Variants in PDXDC1 observed in about 807,000 individuals in gnomAD.
The protein encoded by PDXDC1 is pyridoxal-dependent decarboxylase domain-containing protein 1.
In PDXDC1, 42 loss-of-function variants were observed where a neutral mutation model predicts 100.1. The ratio of observed to expected loss-of-function variants is 0.42; its 90% CI spans 0.33 to 0.54. PDXDC1 has a LOEUF of 0.54. Ranked by LOEUF, PDXDC1 falls within the 20% of genes least tolerant of loss-of-function variation. The probability of loss-of-function intolerance (pLI) is 0.10; values close to 1 mark genes in which losing one functional copy is unlikely to be tolerated. For missense variants in PDXDC1, 636 were observed against 979.2 expected, an observed-to-expected ratio of 0.65 and a Z score of 4.68; for synonymous variants, 260 against 371.7, an observed-to-expected ratio of 0.70 and a Z score of 3.46.
intron 16 of PDXDC1, chr16:15,074,682 A>G (rs989700644): frequency 2.6e-6 from 4 of 1,521,756 alleles, no homozygotes; most frequent in Non-Finnish European, 3.6e-6. Context: ...AAAGCCAGGT[A>G]CACTGCAGGT....
chr16:15,101,893 G>C (rs1296069937), intron 16 of PDXDC1, among the ~76,000 whole-genome samples: 1 of 151,874 alleles, frequency 6.6e-6, no homozygotes, highest in Non-Finnish European at 1.5e-5. Context: ...CTGTTGCTCA[G>C]GCTGGACTGC....
At chr16:15,012,001 T>C (rs1409093901) in intron 8 of PDXDC1, among the ~76,000 whole-genome samples, 1 of 152,274 alleles carries the variant, frequency 6.6e-6, no homozygotes, top group African/African-American at 2.4e-5. Flanking sequence ...TAAAATTTCT[T>C]TTTCATTCTT....
At chr16:15,082,970 T>C (rs1245931700) in intron 16 of PDXDC1, among the ~76,000 whole-genome samples, 1 of 152,196 alleles carries the variant, frequency 6.6e-6, no homozygotes, top group Admixed American at 6.5e-5. Flanking sequence ...ATTCCTGAAA[T>C]GAACTCAGAC....
intron 16 of PDXDC1, among the ~76,000 whole-genome samples, chr16:15,116,479 C>CAAAA (rs1193819668): frequency 2.5e-4 from 7 of 28,124 alleles, no homozygotes; most frequent in African/African-American, 4.6e-4. Context: ...GACTCTGTCT[C>CAAAA]AAAAAAAAAA....
At chr16:15,032,743 C>A in intron 17 of PDXDC1, 118 bp from the exon 18 acceptor site, 1 of 661,418 alleles carries the variant, frequency 1.5e-6, no homozygotes, top group Non-Finnish European at 2.7e-6. Context: ...CTCGCAGTAG[C>A]TCTTTTGCCC....
At chr16:14,988,914 A>G (rs1970039359) in intron 1 of PDXDC1, 3 of 1,613,384 alleles carry the variant, frequency 1.9e-6, no homozygotes, top group Middle Eastern at 1.6e-4. Flanking sequence ...GACGGAGGAC[A>G]GCAGCCCCGG....
At chr16:15,060,254 A>G in intron 16 of PDXDC1, 1 of 333,292 alleles carries the variant, frequency 3.0e-6, no homozygotes, top group Non-Finnish European at 5.9e-6. Context: ...ATATTAAAAA[A>G]TCAACATTTT....
intron 16 of PDXDC1, among the ~76,000 whole-genome samples, chr16:15,057,362 C>A (rs2044562982): frequency 1.3e-5 from 2 of 152,174 alleles, no homozygotes; most frequent in South Asian, 2.1e-4. Context: ...ACTATCAACA[C>A]CTCATTTGTC....
At chr16:14,998,575 A>AGT (rs1170138376) in intron 3 of PDXDC1, among the ~76,000 whole-genome samples, 170 bp downstream of exon 3, 4 of 152,266 alleles carry the variant, frequency 2.6e-5, no homozygotes, top group Non-Finnish European at 5.9e-5. Context: ...CAGCCTCCCG[A>AGT]GTAGCTGGGA....
At chr16:15,044,321 A>C in intron 16 of PDXDC1, 3 of 1,593,964 alleles carry the variant, frequency 1.9e-6, no homozygotes, top group East Asian at 4.5e-5. Context: ...AAAGAAAAAA[A>C]AAATGAACTT....
At chr16:14,986,565 T>C (rs1301983582) in intron 1 of PDXDC1, among the ~76,000 whole-genome samples, 7 of 152,296 alleles carry the variant, frequency 4.6e-5, no homozygotes, top group Non-Finnish European at 1.0e-4. Context: ...CTGTGTTAGA[T>C]AAAATTGTAG....
At chr16:15,095,120 G>A (rs1462351863) in intron 16 of PDXDC1, among the ~76,000 whole-genome samples, 1 of 152,024 alleles carries the variant, frequency 6.6e-6, no homozygotes, top group Non-Finnish European at 1.5e-5. Context: ...TTACAAGCAT[G>A]AGCCACCACG....
rs535764807 is a variant in PDXDC1, at chr16:15,022,733, A to G, written c.1119A>G (p.Lys373=). 6.2e-7 allele frequency: 1 copy of G among 1,612,722 alleles called. No individual in the cohort carries two copies. Among genetic ancestry groups the G allele is most frequent in the East Asian group, 2.2e-5 (1 of 44,764 alleles). ...LSQRLQESLK[K]VNYIKILVED... ...AACGGTTGCAGGAAAGTTTGAAGAA[A>G]GTGAATTACATCAAAATCTTGGTAT... is the stretch of plus-strand genomic sequence containing the variant. Residue 373 remains lysine, a synonymous_variant, in exon 13 of 23, where the codon AAA becomes AAG. Transcript: ENST00000396410.
At position 15,127,216 on chromosome 16, in the gene PDXDC1, C is replaced by T. The variant is rs1358168484; in HGVS notation, c.1400-11663C>T. 178 of 427,346 alleles carry T rather than the reference C, an allele frequency of 4.2e-4. 1 individual carries two copies. The highest frequency in any genetic ancestry group is 2.0e-3 in the East Asian group (39 of 19,142). 26.5% of individuals were successfully genotyped at this position (427,346 alleles called of 1,614,324 possible). On this transcript the variant is annotated intron_variant, in intron 16 of 16. Transcript: ENST00000535621. ...TGCTTGCTTCTTCTGAGTTATCTGG[C>T]GTGCTGCTGTGCAGTTGTCCGTGGC...
At chr16:15,086,542 G>A (rs952912522) in intron 16 of PDXDC1, 305 of 1,563,174 alleles carry the variant, frequency 2.0e-4, no homozygotes, top group Non-Finnish European at 2.5e-4. Flanking sequence ...CATTTATCAA[G>A]AATAGGTTGG....
intron 16 of PDXDC1, chr16:15,130,301 C>T (rs199592889): frequency 1.3e-6 from 2 of 1,538,828 alleles, no homozygotes; most frequent in Non-Finnish European, 1.8e-6. Flanking sequence ...GCGAGGTCTC[C>T]TCCAGGGGCA....
At chr16:15,020,156 A>G (rs1351191199) in intron 12 of PDXDC1, among the ~76,000 whole-genome samples, 1 of 151,102 alleles carries the variant, frequency 6.6e-6, no homozygotes, top group South Asian at 2.1e-4. Flanking sequence ...AAACAGGGTC[A>G]TGTTTACTCA....
At chr16:14,982,037 C>T (rs1284272504) in intron 1 of PDXDC1, among the ~76,000 whole-genome samples, 1 of 152,260 alleles carries the variant, frequency 6.6e-6, no homozygotes, top group East Asian at 1.9e-4. Context: ...ATCATGTTGG[C>T]CAGGCTGGTC....
intron 16 of PDXDC1, among the ~76,000 whole-genome samples, chr16:15,057,594 G>A (rs2966131): frequency 0.015 from 2,211 of 152,344 alleles, 27 homozygotes; most frequent in Non-Finnish European, 0.022. Context: ...TAGGAAGCTC[G>A]GAGCTAAAAA....
Sources: allele counts gnomAD v4.1 joint callset (sites outside exome capture counted in the v4.1 genomes callset), GRCh38; gene constraint gnomAD v4.1.1; transcripts MANE v1.5; gene names NCBI Gene and HGNC (gene_info 2026-07-23, HGNC 2026-07-21).